SPHKAP: variants seen among roughly 807,000 people sequenced by gnomAD.
SPHKAP encodes SPHK1 interactor, AKAP domain containing, also known as A-kinase anchor protein SPHKAP.
In SPHKAP, 67 loss-of-function variants were observed where a neutral mutation model predicts 137.5. That is an observed-to-expected ratio of 0.49 (90% confidence interval 0.40 to 0.60). The LOEUF is 0.60. Ranked by LOEUF, SPHKAP falls within the 20% of genes least tolerant of loss-of-function variation. The pLI is 0.00. For missense variants in SPHKAP, 2,097 were observed against 2,069.3 expected, an observed-to-expected ratio of 1.01 and a Z score of -0.26; for synonymous variants, 813 against 785.3, an observed-to-expected ratio of 1.04 and a Z score of -0.59.
At chr2:228,062,311 G>A (rs1481393852) in intron 3 of SPHKAP, among the ~76,000 whole-genome samples, 1 of 151,904 alleles carries the variant, frequency 6.6e-6, no homozygotes, top group Admixed American at 6.6e-5. Context: ...TTTTAGTACA[G>A]ACAGTGTTTC....
intron 7 of SPHKAP, among the ~76,000 whole-genome samples, chr2:227,998,612 C>T (rs911589745): frequency 6.6e-6 from 1 of 152,062 alleles, no homozygotes; most frequent in Non-Finnish European, 1.5e-5. Flanking sequence ...TGGGAATTAC[C>T]CTCAGTGAAG....
chr2:228,149,728 CT>C (rs55811986), intron 1 of SPHKAP, among the ~76,000 whole-genome samples: 8 of 151,788 alleles, frequency 5.3e-5, no homozygotes, highest in African/African-American at 1.9e-4. Context: ...AAAATTTTCC[CT>C]TTTTTTGTGA....
Position 228,016,884 on chromosome 2 carries a change from T to C in SPHKAP, c.3970A>G (p.Ile1324Val). Residue 1324 changes from isoleucine to valine, a missense_variant, in exon 7 of 12, where the codon ATT (isoleucine) becomes GTT (valine). Transcript: ENST00000392056. Reference protein sequence around the residue: ...IEALMRKNKIIVDDAEEADTE... With the variant: ...IEALMRKNKIVVDDAEEADTE... ...TCAGCTTCCTCTGCATCATCCACAA[T>C]GATTTTGTTCTTGCGCATGAGAGCC... The C allele has an allele frequency of 6.2e-7, 1 of 1,614,144 alleles. No individual in the cohort carries two copies. Among genetic ancestry groups the C allele is most frequent in the Non-Finnish European group, 8.5e-7 (1 of 1,180,024 alleles).
chr2:228,001,398 T>C (rs1362924944), intron 7 of SPHKAP, among the ~76,000 whole-genome samples: 3 of 142,938 alleles, frequency 2.1e-5, no homozygotes, highest in African/African-American at 7.6e-5. Context: ...TATATAAATA[T>C]ATATACATAA....
At chr2:228,081,826 C>T (rs1259583043) in intron 3 of SPHKAP, among the ~76,000 whole-genome samples, 1 of 151,984 alleles carries the variant, frequency 6.6e-6, no homozygotes, top group Non-Finnish European at 1.5e-5. Context: ...GGTCAAAGGA[C>T]ACAAAATTTT....
intron 3 of SPHKAP, among the ~76,000 whole-genome samples, chr2:228,063,143 CCTATCTATCTAT>C (rs71043020): frequency 2.0e-4 from 29 of 145,970 alleles, no homozygotes; most frequent in African/African-American, 5.8e-4. Flanking sequence ...TAGATAGATC[CCTATCTATCTAT>C]CTATCTATCT....
intron 3 of SPHKAP, among the ~76,000 whole-genome samples, chr2:228,032,023 C>A (rs1414810836): frequency 6.6e-6 from 1 of 152,208 alleles, no homozygotes; most frequent in Non-Finnish European, 1.5e-5. Context: ...CGGAACAAAG[C>A]TGGACGGAGA....
At chr2:228,117,210 C>A (rs1210729848) in intron 2 of SPHKAP, among the ~76,000 whole-genome samples, 1 of 152,142 alleles carries the variant, frequency 6.6e-6, no homozygotes, top group Non-Finnish European at 1.5e-5. Context: ...ACATCAAAAT[C>A]TCTTATCAAC....
intron 1 of SPHKAP, among the ~76,000 whole-genome samples, chr2:228,137,953 G>A (rs1699486526): frequency 6.6e-6 from 1 of 152,170 alleles, no homozygotes. Context: ...TGAGATGTTA[G>A]TGTCTCCTAT....
chr2:228,097,394 A>G (rs1198701127), intron 3 of SPHKAP, among the ~76,000 whole-genome samples: 1 of 152,234 alleles, frequency 6.6e-6, no homozygotes, highest in Non-Finnish European at 1.5e-5. Context: ...ATTTCATTAT[A>G]TATTTGAAAC....
intron 3 of SPHKAP, among the ~76,000 whole-genome samples, chr2:228,085,807 T>G (rs1422151778): frequency 2.0e-5 from 3 of 151,840 alleles, no homozygotes; most frequent in Non-Finnish European, 2.9e-5. Context: ...AACCCTGAGT[T>G]TTTTTTTTCT....
chr2:228,121,193 C>G (rs918971778), intron 2 of SPHKAP, among the ~76,000 whole-genome samples: 1 of 152,088 alleles, frequency 6.6e-6, no homozygotes, highest in Non-Finnish European at 1.5e-5. Context: ...TTGGTGCATG[C>G]CTTTGGACTG....
At chr2:228,109,956 C>CAA (rs11440513) in intron 2 of SPHKAP, among the ~76,000 whole-genome samples, 6,818 of 55,880 alleles carry the variant, frequency 0.12, 785 homozygotes, top group East Asian at 0.18. Flanking sequence ...GAAAATGTCT[C>CAA]AAAAAAAAAA....
At chr2:228,030,307 A>G (rs1220216951) in intron 3 of SPHKAP, among the ~76,000 whole-genome samples, 2 of 152,030 alleles carry the variant, frequency 1.3e-5, no homozygotes, top group African/African-American at 4.8e-5. Flanking sequence ...AGAGGTCAAG[A>G]GATTGAGACT....
At chr2:228,036,257 A>T (rs1331965263) in intron 3 of SPHKAP, among the ~76,000 whole-genome samples, 1 of 152,124 alleles carries the variant, frequency 6.6e-6, no homozygotes, top group Non-Finnish European at 1.5e-5. Context: ...GAAGACATTT[A>T]TGCAGCCAAA....
chr2:228,026,842 T>A (rs1440194643), intron 4 of SPHKAP, among the ~76,000 whole-genome samples: 1 of 152,244 alleles, frequency 6.6e-6, no homozygotes, highest in African/African-American at 2.4e-5. Context: ...TCTACTGTTC[T>A]GTGAAAATCA....
At chr2:228,051,392 C>T (rs1465071416) in intron 3 of SPHKAP, among the ~76,000 whole-genome samples, 3 of 152,122 alleles carry the variant, frequency 2.0e-5, no homozygotes, top group Non-Finnish European at 4.4e-5. Context: ...CTTGCTTTGG[C>T]TAAGGGGATG....
chr2:228,047,502 A>G (rs1267849782), intron 3 of SPHKAP, among the ~76,000 whole-genome samples: 1 of 151,956 alleles, frequency 6.6e-6, no homozygotes, highest in African/African-American at 2.4e-5. Context: ...ACCTGGTTCA[A>G]CTCTCTCATG....
At chr2:228,127,409 G>A (rs1394891859) in intron 2 of SPHKAP, among the ~76,000 whole-genome samples, 1 of 152,170 alleles carries the variant, frequency 6.6e-6, no homozygotes. Context: ...AAACATTGGT[G>A]AACTACTCTT....
Sources: gnomAD v4.1 joint callset for allele counts (sites outside exome capture counted in the v4.1 genomes callset) on GRCh38, gnomAD v4.1.1 for gene constraint, MANE v1.5 for transcripts, NCBI Gene and HGNC (gene_info 2026-07-23, HGNC 2026-07-21) for gene names.